The following SNTG2 variants were observed in gnomAD, a reference collection of about 807,000 sequenced individuals.
The protein encoded by SNTG2 is gamma-2-syntrophin.
SNTG2 carries 74 observed loss-of-function variants against 70.9 expected under a neutral mutation model. The observed-to-expected ratio is 1.04, with a 90% confidence interval of 0.86 to 1.27. The LOEUF is 1.27. Among genes scored for constraint, SNTG2 ranks in the 50% most tolerant of loss-of-function variants. SNTG2 has a pLI of 0.00. For missense variants in SNTG2, 717 were observed against 690.7 expected (o/e 1.04, Z -0.43); for synonymous variants, 278 against 273.8 (o/e 1.02, Z -0.15).
intron 8 of SNTG2, among the ~76,000 whole-genome samples, chr2:1,177,310 G>A (rs1399066569): frequency 2.0e-5 from 3 of 152,052 alleles, no homozygotes; most frequent in Non-Finnish European, 2.9e-5. Context: ...AGCACACACT[G>A]GGGCCCGGCA....
chr2:1,050,735 T>C (rs1223591350), intron 1 of SNTG2, among the ~76,000 whole-genome samples: 7 of 152,228 alleles, frequency 4.6e-5, no homozygotes, highest in Non-Finnish European at 1.0e-4. Context: ...ATAACAATTA[T>C]TGTTTTGAAT....
intron 1 of SNTG2, among the ~76,000 whole-genome samples, chr2:1,005,344 C>A (rs1292143984): frequency 6.6e-6 from 1 of 151,860 alleles, no homozygotes; most frequent in Non-Finnish European, 1.5e-5. Context: ...GACATGTCCA[C>A]GTAGGTTCAC....
rs556494035 is a variant in SNTG2 at position 1,353,812 on chromosome 2, C to T, written c.1489-13531C>T. ...TGTGCACTGAGACGGAAAAATGGAC[C>T]GTGCCGTAAGGAGGTGTGATTTCCA... is the stretch of plus-strand genomic sequence containing the variant. On this transcript the variant is annotated intron_variant, in intron 16 of 16. Transcript: ENST00000308624. The surrounding 1 kb of genome is among the most constrained non-coding windows in gnomAD (Gnocchi z 4.2). 4 of 152,248 alleles carry T rather than the reference C, an allele frequency of 2.6e-5. No individual in the cohort carries two copies. Among genetic ancestry groups the T allele is most frequent in the Admixed American group, 6.5e-5 (1 of 15,288 alleles). 9.4% of individuals were successfully genotyped at this position (152,248 alleles called of 1,614,324 possible). A position where few individuals can be genotyped will look rare whatever the true frequency, so the allele number is the denominator to read the frequency against.
chr2:1,234,492 T>C (rs907213071), intron 9 of SNTG2, among the ~76,000 whole-genome samples: 4 of 152,248 alleles, frequency 2.6e-5, no homozygotes. Flanking sequence ...ATCCCATTTG[T>C]TCCTCTCAGT....
chr2:1,088,788 C>T (rs563348844), intron 2 of SNTG2, among the ~76,000 whole-genome samples: 5 of 152,314 alleles, frequency 3.3e-5, no homozygotes, highest in Admixed American at 1.3e-4. Context: ...ATCCTTCTTA[C>T]GAAAATCACT....
At chr2:1,273,007 C>T (rs563871353) in intron 14 of SNTG2, among the ~76,000 whole-genome samples, 37 of 152,154 alleles carry the variant, frequency 2.4e-4, no homozygotes, top group Non-Finnish European at 4.4e-4. Flanking sequence ...TATACGGATG[C>T]GCACCATCAC....
intron 1 of SNTG2, among the ~76,000 whole-genome samples, chr2:1,036,119 G>C (rs529000076): frequency 5.3e-5 from 8 of 152,080 alleles, no homozygotes; most frequent in Admixed American, 4.6e-4. Flanking sequence ...TTTAACTTAC[G>C]GTTTATTAGC....
At chr2:1,061,311 G>A (rs557151108) in intron 1 of SNTG2, among the ~76,000 whole-genome samples, 1 of 152,324 alleles carries the variant, frequency 6.6e-6, no homozygotes, top group South Asian at 2.1e-4. Flanking sequence ...TAACAAAAAT[G>A]GAATATGTGT....
intron 1 of SNTG2, among the ~76,000 whole-genome samples, chr2:952,662 CTTTTT>C (rs71939733): frequency 1.3e-5 from 2 of 151,534 alleles, no homozygotes; most frequent in Admixed American, 6.6e-5. Context: ...TTGAAAGAAA[CTTTTT>C]TTTTAGCGTT....
chr2:1,225,031 TGTTA>T (rs1675679200), intron 9 of SNTG2, among the ~76,000 whole-genome samples: 1 of 152,248 alleles, frequency 6.6e-6, no homozygotes, highest in Admixed American at 6.5e-5. Context: ...AGAGGCTCTT[TGTTA>T]GTTAAGAACT....
intron 1 of SNTG2, among the ~76,000 whole-genome samples, chr2:976,183 G>A (rs760773548): frequency 3.1e-4 from 47 of 152,202 alleles, no homozygotes; most frequent in African/African-American, 1.1e-3. Flanking sequence ...ATAATTAGAA[G>A]CAATTCATAT....
intron 16 of SNTG2, among the ~76,000 whole-genome samples, chr2:1,332,071 GGTTCCA>G (rs574283740): frequency 1.1e-4 from 17 of 152,270 alleles, no homozygotes; most frequent in African/African-American, 4.1e-4. Context: ...GCCTTTGTTG[GGTTCCA>G]GTTCTCAGCT....
chr2:1,259,288 C>T (rs1678288629), intron 12 of SNTG2, 82 bp from the exon 13 acceptor site: 4 of 1,156,814 alleles, frequency 3.5e-6, no homozygotes, highest in Non-Finnish European at 5.2e-6. Flanking sequence ...GACACACATG[C>T]AGTCACACTA....
intron 1 of SNTG2, among the ~76,000 whole-genome samples, chr2:1,022,390 C>T (rs762320163): frequency 4.0e-5 from 6 of 151,812 alleles, no homozygotes; most frequent in Non-Finnish European, 7.4e-5. Context: ...TGAGGACCTG[C>T]GTTCTCAGGA....
chr2:1,265,972 T>C (rs1308439275), intron 13 of SNTG2, among the ~76,000 whole-genome samples: 3 of 152,096 alleles, frequency 2.0e-5, no homozygotes, highest in African/African-American at 7.2e-5. Context: ...GGAAGGTGTC[T>C]GGTGGGGGCT....
At chr2:1,173,418 C>T (rs1054209545) in intron 8 of SNTG2, among the ~76,000 whole-genome samples, 15 of 152,218 alleles carry the variant, frequency 9.9e-5, no homozygotes, top group African/African-American at 3.6e-4. Context: ...CACAGCATCT[C>T]AGTGAGCAGG....
intron 7 of SNTG2, 132 bp from the exon 8 acceptor site, chr2:1,172,960 G>C: frequency 1.3e-6 from 1 of 757,896 alleles, no homozygotes; most frequent in Non-Finnish European, 2.3e-6. Flanking sequence ...GGATGACCCA[G>C]CCCATAACTG....
At chr2:1,073,211 A>G (rs1314498097) in intron 1 of SNTG2, among the ~76,000 whole-genome samples, 1 of 152,216 alleles carries the variant, frequency 6.6e-6, no homozygotes, top group African/African-American at 2.4e-5. Context: ...ACTGTGTGTA[A>G]AATTCTACCA....
intron 4 of SNTG2, among the ~76,000 whole-genome samples, chr2:1,100,214 T>A (rs1207857952): frequency 1.3e-5 from 2 of 152,002 alleles, no homozygotes; most frequent in African/African-American, 4.8e-5. Flanking sequence ...ATGCCCAGGC[T>A]GGAGTGCAGA....
Sources: allele counts gnomAD v4.1 joint callset (sites outside exome capture counted in the v4.1 genomes callset), GRCh38; gene constraint gnomAD v4.1.1; non-coding constraint Gnocchi (gnomAD v3.1); transcripts MANE v1.5; gene names NCBI Gene and HGNC (gene_info 2026-07-23, HGNC 2026-07-21).